Variants in CSMD1 observed in about 807,000 individuals in gnomAD.
CSMD1 encodes CUB and sushi domain-containing protein 1.
CSMD1 carries 213 observed loss-of-function variants against 417.5 expected under a neutral mutation model. The observed-to-expected ratio is 0.51, with a 90% CI of 0.46 to 0.57. The LOEUF is 0.57. Ranked by LOEUF, CSMD1 falls within the 20% of genes least tolerant of loss-of-function variation. CSMD1 has a pLI of 0.00. For synonymous variants in CSMD1, 2,862 were observed against 1,736.8 expected (o/e 1.65, Z -16.11); for missense variants, 6,923 against 4,529.7 (o/e 1.53, Z -15.17).
intron 6 of CSMD1, among the ~76,000 whole-genome samples, chr8:3,737,575 T>A (rs974053796): frequency 1.1e-4 from 16 of 152,304 alleles, no homozygotes; most frequent in Middle Eastern, 3.4e-3. Context: ...TATATCCTCC[T>A]ATGTCATTTA....
intron 1 of CSMD1, among the ~76,000 whole-genome samples, chr8:4,891,427 C>G (rs993631739): frequency 6.6e-6 from 1 of 152,132 alleles, no homozygotes; most frequent in Non-Finnish European, 1.5e-5. Context: ...TCCTCTGATA[C>G]ATGCTACTGT....
intron 5 of CSMD1, among the ~76,000 whole-genome samples, chr8:3,898,544 T>G (rs1420325640): frequency 2.0e-5 from 3 of 152,226 alleles, no homozygotes; most frequent in Non-Finnish European, 2.9e-5. Context: ...GTTGTCACAA[T>G]AAACATAAAT....
chr8:3,672,874 T>G (rs914316449), intron 7 of CSMD1, among the ~76,000 whole-genome samples: 2 of 152,232 alleles, frequency 1.3e-5, no homozygotes, highest in African/African-American at 4.8e-5. Context: ...TTCAGGTTTT[T>G]CAATCCATGA....
Position 3,683,646 on chromosome 8 carries a change from T to G in CSMD1, c.1009+24768A>C, listed in dbSNP as rs542420056. Reference sequence around the variant, plus strand: ...GAAAACATGTGCATACTCTTTTAATTTAATACCTATAATTATCCTGTGAGG... The same window carrying G: ...GAAAACATGTGCATACTCTTTTAATGTAATACCTATAATTATCCTGTGAGG... On this transcript the variant is annotated intron_variant, in intron 7 of 69. Coordinates refer to ENST00000635120, the MANE Select transcript of CSMD1 (RefSeq NM_033225.6). 3.9e-5 allele frequency among the ~76,000 whole-genome samples: 6 copies of G among 152,300 alleles called. No individual in the cohort carries two copies. In the South Asian group the frequency reaches 1.2e-3, roughly 32 times the overall value.
intron 41 of CSMD1, among the ~76,000 whole-genome samples, chr8:3,121,300 G>C (rs1354651231): frequency 2.0e-5 from 3 of 152,116 alleles, no homozygotes; most frequent in Admixed American, 2.0e-4. Context: ...GCATCCCTTG[G>C]TTTTAATTAT....
At chr8:4,222,558 A>G (rs1198611955) in intron 3 of CSMD1, among the ~76,000 whole-genome samples, 1 of 152,216 alleles carries the variant, frequency 6.6e-6, no homozygotes, top group East Asian at 1.9e-4. Context: ...AGTACAGAAA[A>G]AGGTTAAAGG....
At chr8:4,092,764 T>G (rs1316710635) in intron 3 of CSMD1, among the ~76,000 whole-genome samples, 1 of 152,188 alleles carries the variant, frequency 6.6e-6, no homozygotes, top group Non-Finnish European at 1.5e-5. Context: ...TAACTTTTAT[T>G]CCTTTTACTG....
intron 3 of CSMD1, among the ~76,000 whole-genome samples, chr8:4,385,187 T>C (rs1029174464): frequency 6.6e-6 from 1 of 152,088 alleles, no homozygotes; most frequent in African/African-American, 2.4e-5. Flanking sequence ...CTCGGCGTCT[T>C]AAAGTGATGT....
At chr8:3,021,158 A>G (rs1585166179) in intron 51 of CSMD1, among the ~76,000 whole-genome samples, 1 of 152,080 alleles carries the variant, frequency 6.6e-6, no homozygotes, top group Admixed American at 6.6e-5. Flanking sequence ...AAGCAAGACC[A>G]CCTCCCTCTG....
At chr8:4,105,246 T>C (rs979438039) in intron 3 of CSMD1, among the ~76,000 whole-genome samples, 36 of 152,190 alleles carry the variant, frequency 2.4e-4, no homozygotes, top group African/African-American at 6.5e-4. Flanking sequence ...ACCCTAAATA[T>C]TGATCAACGG....
chr8:3,485,554 G>GAGAGAC (rs1817980230), intron 11 of CSMD1, among the ~76,000 whole-genome samples: 1 of 151,284 alleles, frequency 6.6e-6, no homozygotes, highest in African/African-American at 2.4e-5. Flanking sequence ...GAGAGAGAGA[G>GAGAGAC]AGAGAGAGAG....
At chr8:4,991,423 A>G (rs1811455854) in intron 1 of CSMD1, among the ~76,000 whole-genome samples, 1 of 152,224 alleles carries the variant, frequency 6.6e-6, no homozygotes, top group Non-Finnish European at 1.5e-5. Context: ...TACCCACAGT[A>G]ACGGGTTCCA....
At chr8:4,470,927 A>T (rs1800493990) in intron 2 of CSMD1, among the ~76,000 whole-genome samples, 1 of 151,732 alleles carries the variant, frequency 6.6e-6, no homozygotes, top group Non-Finnish European at 1.5e-5. Flanking sequence ...ATGTGTAAAT[A>T]AGTATTTTTG....
Position 4,374,720 on chromosome 8 carries a change from G to A in CSMD1, c.415+45233C>T, listed in dbSNP as rs150973178. ...ATAAGCAGCTGCATCCGTGTCTGGAGCAGACTAAGCATGAGCAGCAGAGAC... is the reference window on the plus strand; with the variant it reads ...ATAAGCAGCTGCATCCGTGTCTGGAACAGACTAAGCATGAGCAGCAGAGAC... On this transcript the variant is annotated intron_variant, in intron 3 of 69. Coordinates refer to ENST00000635120, the MANE Select transcript of CSMD1 (RefSeq NM_033225.6). Among the ~76,000 whole-genome samples the A allele has an allele frequency of 5.3e-3, 806 of 152,252 alleles. 11 individuals are homozygous for A. The highest frequency in any genetic ancestry group is 0.018 in the African/African-American group (762 of 41,534).
chr8:3,379,066 A>G (rs1810480083), intron 18 of CSMD1, among the ~76,000 whole-genome samples: 1 of 152,236 alleles, frequency 6.6e-6, no homozygotes, highest in East Asian at 1.9e-4. Context: ...ATACAATATC[A>G]ATGTGCGAAA....
At chr8:3,240,023 T>C (rs1799396699) in intron 26 of CSMD1, among the ~76,000 whole-genome samples, 1 of 152,040 alleles carries the variant, frequency 6.6e-6, no homozygotes, top group South Asian at 2.1e-4. Flanking sequence ...TTATGAGAAC[T>C]GTAGAGAGTG....
intron 3 of CSMD1, among the ~76,000 whole-genome samples, chr8:4,103,178 C>T (rs868771864): frequency 8.6e-5 from 13 of 151,820 alleles, no homozygotes; most frequent in Admixed American, 7.9e-4. Context: ...AGCACAAAAC[C>T]AGTAACAGCA....
At chr8:3,435,592 C>T (rs1479435434) in intron 12 of CSMD1, among the ~76,000 whole-genome samples, 1 of 152,126 alleles carries the variant, frequency 6.6e-6, no homozygotes, top group African/African-American at 2.4e-5. Flanking sequence ...TGTCTTCTAA[C>T]CACACCTCCA....
At chr8:3,421,933 C>G (rs1323230215) in intron 12 of CSMD1, among the ~76,000 whole-genome samples, 1 of 151,924 alleles carries the variant, frequency 6.6e-6, no homozygotes, top group African/African-American at 2.4e-5. Flanking sequence ...CCACGGCGCC[C>G]GGCCCCACAG....
Sources: allele counts gnomAD v4.1 joint callset (sites outside exome capture counted in the v4.1 genomes callset), GRCh38; gene constraint gnomAD v4.1.1; transcripts MANE v1.5; gene names NCBI Gene and HGNC (gene_info 2026-07-23, HGNC 2026-07-21).